Variants in PCDH15 observed in about 807,000 individuals in gnomAD.
PCDH15 encodes the protein protocadherin related 15, also known as protocadherin-15.
Under a neutral mutation model 178.5 loss-of-function variants are expected in PCDH15, and 129 were observed. That is an observed-to-expected ratio of 0.72 (90% CI 0.63 to 0.84). PCDH15 has a LOEUF of 0.84. Among genes scored for constraint, PCDH15 ranks in the 40% least tolerant of loss-of-function variants. The pLI, the probability that PCDH15 is intolerant of heterozygous loss-of-function variation, is 0.00. For missense variants in PCDH15, 2,230 were observed against 2,099.9 expected, an observed-to-expected ratio of 1.06 and a Z score of -1.21; for synonymous variants, 800 against 732.0, an observed-to-expected ratio of 1.09 and a Z score of -1.50.
At position 55,537,284 on chromosome 10, in the gene PCDH15, T is replaced by C. The variant is rs555264829; in HGVS notation, c.-156+90341A>G. Among the ~76,000 whole-genome samples, 10 of 152,260 alleles carry C rather than the reference T, an allele frequency of 6.6e-5. No individual in the cohort carries two copies. The South Asian group carries it at 2.1e-3, about 32-fold the overall frequency. On this transcript the variant is annotated intron_variant, in intron 2 of 5. Transcript: ENST00000613346. ...TGCAGTTTTTTAAATAATTTTATAGTTAATCAAATTCTGTGCCATCATTTT... is the reference window on the plus strand; with the variant it reads ...TGCAGTTTTTTAAATAATTTTATAGCTAATCAAATTCTGTGCCATCATTTT...
At chr10:55,540,229 C>G (rs1239464548) in intron 2 of PCDH15, among the ~76,000 whole-genome samples, 1 of 151,904 alleles carries the variant, frequency 6.6e-6, no homozygotes, top group Non-Finnish European at 1.5e-5. Context: ...TTTTTAATTT[C>G]TAAGCTAAAT....
chr10:54,672,411 T>C (rs1430125443), intron 1 of PCDH15, among the ~76,000 whole-genome samples: 1 of 152,098 alleles, frequency 6.6e-6, no homozygotes, highest in African/African-American at 2.4e-5. Flanking sequence ...GTGTAGAATA[T>C]GATAAAGGTA....
rs186059260 is a variant in PCDH15 at position 55,153,604 on chromosome 10, A to G, written c.-80+12972T>C. 1.1e-3 allele frequency among the ~76,000 whole-genome samples: 169 copies of G among 152,280 alleles called. 4 individuals carry two copies. Among genetic ancestry groups the G allele is most frequent in the Admixed American group, 0.011 (169 of 15,284 alleles). ...GTGGAGGGTCTGTCAAAGGCACCTC[A>G]GTACTAATAGCCACTGGCGGCCTTG... On this transcript the variant is annotated intron_variant, in intron 2 of 5. Transcript: ENST00000458638.
At chr10:54,928,619 C>A (rs141170246) in intron 2 of PCDH15, among the ~76,000 whole-genome samples, 3 of 152,018 alleles carry the variant, frequency 2.0e-5, no homozygotes, top group Non-Finnish European at 4.4e-5. Context: ...TATTTCTTGG[C>A]GGTTTCGTTC....
chr10:55,171,062 C>T (rs564559406), intron 1 of PCDH15, among the ~76,000 whole-genome samples: 1 of 152,134 alleles, frequency 6.6e-6, no homozygotes, highest in African/African-American at 2.4e-5. Flanking sequence ...AGGGCACTGA[C>T]CTTAACTTTC....
chr10:55,155,995 G>C (rs1838450), intron 2 of PCDH15, among the ~76,000 whole-genome samples: 82,009 of 151,980 alleles, frequency 0.54, 23,889 homozygotes, highest in Non-Finnish European at 0.65. Flanking sequence ...GGAGCTGAAA[G>C]AAGACCTGCA....
chr10:54,782,900 G>A (rs553331710), intron 1 of PCDH15, among the ~76,000 whole-genome samples: 1 of 152,170 alleles, frequency 6.6e-6, no homozygotes, highest in Non-Finnish European at 1.5e-5. Context: ...ATCACATGGA[G>A]ACTATACTAA....
At chr10:55,462,698 A>G (rs1201633162) in intron 2 of PCDH15, among the ~76,000 whole-genome samples, 1 of 152,160 alleles carries the variant, frequency 6.6e-6, no homozygotes, top group Admixed American at 6.5e-5. Flanking sequence ...GTCAAACTTA[A>G]TTACATCAGC....
intron 1 of PCDH15, among the ~76,000 whole-genome samples, chr10:54,775,275 T>C (rs1036334914): frequency 3.3e-5 from 5 of 152,192 alleles, no homozygotes; most frequent in African/African-American, 1.2e-4. Flanking sequence ...ATGACTGATG[T>C]TTTCACTGCA....
chr10:55,604,486 T>C (rs1843163342), intron 2 of PCDH15, among the ~76,000 whole-genome samples: 1 of 149,064 alleles, frequency 6.7e-6, no homozygotes, highest in Non-Finnish European at 1.5e-5. Context: ...ATTGACCACA[T>C]ACTTGGAAGT....
intron 8 of PCDH15, among the ~76,000 whole-genome samples, chr10:54,242,122 TTCTATTTTTA>T (rs2055371272): frequency 1.1e-5 from 1 of 93,388 alleles, no homozygotes; most frequent in African/African-American, 4.4e-5. Context: ...TTGGTCTGAA[TTCTATTTTTA>T]TATATATATA....
At chr10:54,175,081 T>G (rs2047312643) in intron 13 of PCDH15, among the ~76,000 whole-genome samples, 1 of 152,184 alleles carries the variant, frequency 6.6e-6, no homozygotes, top group African/African-American at 2.4e-5. Context: ...GGTCCACATT[T>G]TTGTAAGCTT....
chr10:55,270,576 C>T (rs10825491), intron 1 of PCDH15, among the ~76,000 whole-genome samples: 44,142 of 151,684 alleles, frequency 0.29, 6,606 homozygotes, highest in South Asian at 0.37. Flanking sequence ...AAATGTAAAT[C>T]AAAACCACAG....
rs536992450 is a variant in PCDH15 at position 54,248,033 on chromosome 10, C to T, written c.877-11102G>A. Reference sequence around the variant, plus strand: ...GTTTTTTAAATTGATAATTTTAATGCTTTTAAATTGTGTAATCTGGGTGTT... The same window carrying T: ...GTTTTTTAAATTGATAATTTTAATGTTTTTAAATTGTGTAATCTGGGTGTT... On this transcript the variant is annotated intron_variant, in intron 8 of 37. Coordinates refer to ENST00000644397, the MANE Select transcript of PCDH15 (RefSeq NM_001384140.1). 7.4e-5 allele frequency among the ~76,000 whole-genome samples: 11 copies of T among 149,532 alleles called. No homozygotes were observed. In the East Asian group the frequency reaches 1.6e-3, roughly 21 times the overall value.
At chr10:54,149,447 C>T (rs1479663536) in intron 14 of PCDH15, among the ~76,000 whole-genome samples, 1 of 151,968 alleles carries the variant, frequency 6.6e-6, no homozygotes, top group East Asian at 1.9e-4. Flanking sequence ...TCCATCCAGG[C>T]TGAGAGAAGA....
chr10:54,465,071 T>C (rs1277395034), intron 3 of PCDH15, among the ~76,000 whole-genome samples: 1 of 152,162 alleles, frequency 6.6e-6, no homozygotes, highest in Non-Finnish European at 1.5e-5. Flanking sequence ...CTTTTTAAAA[T>C]AAAGTTTCAC....
At chr10:55,260,529 T>C (rs1842122234) in intron 1 of PCDH15, among the ~76,000 whole-genome samples, 1 of 152,194 alleles carries the variant, frequency 6.6e-6, no homozygotes, top group Non-Finnish European at 1.5e-5. Context: ...AAATTTTATG[T>C]TTCTATTTTT....
intron 21 of PCDH15, among the ~76,000 whole-genome samples, chr10:53,963,233 G>A (rs1370569685): frequency 6.6e-6 from 1 of 152,154 alleles, no homozygotes; most frequent in Non-Finnish European, 1.5e-5. Context: ...ATAAATATGA[G>A]TTTTCAGGAT....
intron 3 of PCDH15, among the ~76,000 whole-genome samples, chr10:54,484,785 G>A (rs1422217142): frequency 6.6e-6 from 1 of 151,736 alleles, no homozygotes; most frequent in Non-Finnish European, 1.5e-5. Context: ...AGGGAAAAAA[G>A]TACACCAATT....
Sources: allele counts gnomAD v4.1 joint callset (sites outside exome capture counted in the v4.1 genomes callset), GRCh38; gene constraint gnomAD v4.1.1; transcripts MANE v1.5; gene names NCBI Gene and HGNC (gene_info 2026-07-23, HGNC 2026-07-21).